RAP1GAP: variants seen among roughly 807,000 people sequenced by gnomAD.
The protein encoded by RAP1GAP is rap1 GTPase-activating protein 1.
In RAP1GAP, 35 loss-of-function variants were observed where a neutral mutation model predicts 87.2. That is an observed-to-expected ratio of 0.40 (90% CI 0.31 to 0.53). RAP1GAP has a LOEUF of 0.53. Ranked by LOEUF, RAP1GAP falls within the 20% of genes least tolerant of loss-of-function variation. The probability of loss-of-function intolerance (pLI) is 0.48; values close to 1 mark genes in which losing one functional copy is unlikely to be tolerated. For synonymous variants in RAP1GAP, 375 were observed against 363.9 expected (o/e 1.03, Z -0.35); for missense variants, 734 against 898.9 (o/e 0.82, Z 2.35).
chr1:21,647,044 A>G (rs2096121146), intron 2 of RAP1GAP, among the ~76,000 whole-genome samples: 1 of 152,216 alleles, frequency 6.6e-6, no homozygotes, highest in South Asian at 2.1e-4. Flanking sequence ...CAGCCTACTG[A>G]CAAGGTTTTA....
chr1:21,601,538 G>A lies in RAP1GAP; in HGVS notation c.1652+146C>T, dbSNP rs1262923074. 8 of 520,540 alleles carry A rather than the reference G, an allele frequency of 1.5e-5. No individual in the cohort carries two copies. In the East Asian group the frequency reaches 2.5e-4, roughly 16 times the overall value. 32.2% of individuals were successfully genotyped at this position (520,540 alleles called of 1,614,324 possible). A position where few individuals can be genotyped will look rare whatever the true frequency, so the allele number is the denominator to read the frequency against. On this transcript the variant is annotated intron_variant, in intron 20 of 24. Coordinates refer to ENST00000374765, the MANE Select transcript of RAP1GAP (RefSeq NM_002885.4). Reference sequence around the variant, plus strand: ...AAGTGCTCGCTGGGTATATGTCAAAGGAGGGCCCCAGAGAATGCCCAGGTC... The same window carrying A: ...AAGTGCTCGCTGGGTATATGTCAAAAGAGGGCCCCAGAGAATGCCCAGGTC...
At position 21,628,073 on chromosome 1, in the gene RAP1GAP, T is replaced by C. The variant is rs186667641; in HGVS notation, c.-112-1676A>G. Among the ~76,000 whole-genome samples the C allele has an allele frequency of 3.9e-5, 6 of 152,296 alleles. No homozygotes were observed. The East Asian group carries it at 9.6e-4, about 24-fold the overall frequency. On this transcript the variant is annotated intron_variant, in intron 2 of 24. Transcript: ENST00000374765. ...AAACTTTCACATCATTTGTTCATGG[T>C]AAACTCTGGCTCCCCAAGTTTCACT...
At chr1:21,661,266 A>AG (rs1491009986) in intron 1 of RAP1GAP, among the ~76,000 whole-genome samples, 1 of 151,522 alleles carries the variant, frequency 6.6e-6, no homozygotes, top group Non-Finnish European at 1.5e-5. Flanking sequence ...AAAAAAAAAA[A>AG]AGGAGGGAGA....
rs78143302 is a variant in RAP1GAP, at chr1:21,669,241, G to C, written c.-149+13C>G. ...CCCTTTCCAGGGCCGCAGCCCTGGC[G>C]GGGCGCACTCACCCAAGGGCCTGGG... On this transcript the variant is annotated intron_variant, in intron 1 of 24. Transcript: ENST00000374765. This position sits in a 1 kb window ranked among gnomAD's most constrained non-coding sequence, Gnocchi z 5.6. The C allele has an allele frequency of 1.6e-6, 2 of 1,250,998 alleles. No homozygotes were observed. Among genetic ancestry groups the C allele is most frequent in the East Asian group, 8.2e-5 (1 of 12,218 alleles). 77.5% of individuals were successfully genotyped at this position (1,250,998 alleles called of 1,614,324 possible).
At chr1:21,618,238 C>T (rs773722898) in intron 5 of RAP1GAP, among the ~76,000 whole-genome samples, 19 of 152,210 alleles carry the variant, frequency 1.2e-4, no homozygotes, top group Non-Finnish European at 2.1e-4. Context: ...GCACCCCACC[C>T]TAGAGCTTTG....
At chr1:21,652,122 C>T (rs1460754006) in intron 1 of RAP1GAP, among the ~76,000 whole-genome samples, 5 of 146,528 alleles carry the variant, frequency 3.4e-5, no homozygotes, top group Admixed American at 1.3e-4. Context: ...TCCCGGCCGC[C>T]GCCCCCCGTC....
chr1:21,646,924 A>T (rs2096107606), intron 2 of RAP1GAP, among the ~76,000 whole-genome samples: 1 of 152,142 alleles, frequency 6.6e-6, no homozygotes, highest in South Asian at 2.1e-4. Flanking sequence ...CTCAGCCATG[A>T]TCACATCTGG....
chr1:21,641,444 TA>T (rs2095515842), intron 2 of RAP1GAP, among the ~76,000 whole-genome samples: 1 of 152,180 alleles, frequency 6.6e-6, no homozygotes, highest in African/African-American at 2.4e-5. Flanking sequence ...CCCTCCCTGA[TA>T]CCCTTGGCAA....
chr1:21,610,140 G>A lies in RAP1GAP; in HGVS notation c.979C>T (p.Pro327Ser). Reference sequence around the variant, plus strand: ...CCCACCTTGTAGAGGGGGCCATCAGGGCCCCCGCCCTCAGCCTGCACCACG... The same window carrying A: ...CCCACCTTGTAGAGGGGGCCATCAGAGCCCCCGCCCTCAGCCTGCACCACG... Reference protein sequence around the residue: ...YVVVQAEGGGPDGPLYKVSVT... With the variant: ...YVVVQAEGGGSDGPLYKVSVT... Residue 327 changes from proline to serine, a missense_variant, in exon 14 of 25, where the codon CCT (proline) becomes TCT (serine). Physicochemically the swap from Pro to Ser is moderately conservative, Grantham distance 74. Around this residue, in one of 2 missense-constraint regions of RAP1GAP, gnomAD observed 485 missense variants for 646.2 expected, o/e 0.75. Coordinates refer to ENST00000374765, the MANE Select transcript of RAP1GAP (RefSeq NM_002885.4). 7 of 1,614,032 alleles carry A rather than the reference G, an allele frequency of 4.3e-6. No individual in the cohort carries two copies. The highest frequency in any genetic ancestry group is 2.2e-5 in the East Asian group (1 of 44,886).
intron 14 of RAP1GAP, 44 bp downstream of exon 14, chr1:21,610,076 C>T (rs1442258089): frequency 1.2e-6 from 2 of 1,603,016 alleles, no homozygotes; most frequent in Non-Finnish European, 1.7e-6. Flanking sequence ...GAGCTGCAGC[C>T]AGGGCCCTTG....
chr1:21,668,737 G>C lies in RAP1GAP; in HGVS notation c.-149+517C>G, dbSNP rs567673298. On this transcript the variant is annotated intron_variant, in intron 1 of 24. Transcript: ENST00000374765. The surrounding 1 kb of genome is among the most constrained non-coding windows in gnomAD (Gnocchi z 6.2). Reference sequence around the variant, plus strand: ...GGTCAGGGACAGGGGAATGCGTCCTGTCTCTGGGGATGCAAGGACATCACC... The same window carrying C: ...GGTCAGGGACAGGGGAATGCGTCCTCTCTCTGGGGATGCAAGGACATCACC... 1 of 152,392 alleles carries C rather than the reference G, an allele frequency of 6.6e-6. No individual in the cohort carries two copies. The highest frequency in any genetic ancestry group is 1.9e-4 in the East Asian group (1 of 5,144). 9.4% of individuals were successfully genotyped at this position (152,392 alleles called of 1,614,324 possible). A position where few individuals can be genotyped will look rare whatever the true frequency, so the allele number is the denominator to read the frequency against.
intron 2 of RAP1GAP, among the ~76,000 whole-genome samples, chr1:21,633,403 G>C (rs2094144963): frequency 6.6e-6 from 1 of 152,168 alleles, no homozygotes; most frequent in Non-Finnish European, 1.5e-5. Context: ...CTCTGCTGGG[G>C]GTGCCTTCTC....
At position 21,615,777 on chromosome 1, in the gene RAP1GAP, T is replaced by C. The variant is rs2081638452; in HGVS notation, c.291+1529A>G. 6.6e-6 allele frequency among the ~76,000 whole-genome samples: 1 copy of C among 152,154 alleles called. No homozygotes were observed. Among genetic ancestry groups the C allele is most frequent in the Non-Finnish European group, 1.5e-5 (1 of 68,030 alleles). ...CTTCATCTGTTCCTACCTTCATCTG[T>C]CACTTGTCACTCTTTCAACAAACTT... On this transcript the variant is annotated intron_variant, in intron 7 of 24. Transcript: ENST00000374765. The surrounding 1 kb of genome is among the most constrained non-coding windows in gnomAD (Gnocchi z 4.5).
chr1:21,657,632 C>T (rs1015402502), intron 1 of RAP1GAP, among the ~76,000 whole-genome samples: 3 of 152,192 alleles, frequency 2.0e-5, no homozygotes, highest in South Asian at 2.1e-4. Context: ...CTGCTATGGG[C>T]GTGGCCCTCC....
At chr1:21,636,510 G>A (rs2094687113) in intron 2 of RAP1GAP, among the ~76,000 whole-genome samples, 1 of 152,164 alleles carries the variant, frequency 6.6e-6, no homozygotes, top group South Asian at 2.1e-4. Flanking sequence ...AGCTGCCCAA[G>A]AGTAAAGCAA....
In RAP1GAP at chr1:21,615,077, C is replaced by T. The variant is rs1037669947; in HGVS notation, c.292-988G>A. Among the ~76,000 whole-genome samples, 4 of 152,204 alleles carry T rather than the reference C, an allele frequency of 2.6e-5. No homozygotes were observed. Among genetic ancestry groups the T allele is most frequent in the African/African-American group, 9.6e-5 (4 of 41,452 alleles). ...GTGGCAGAAACCCCCAAATGCTTGACATCATCCAGCAGAGAGGGAGTGGCA... is the reference window on the plus strand; with the variant it reads ...GTGGCAGAAACCCCCAAATGCTTGATATCATCCAGCAGAGAGGGAGTGGCA... On this transcript the variant is annotated intron_variant, in intron 7 of 24. Transcript: ENST00000374765. The surrounding 1 kb of genome is among the most constrained non-coding windows in gnomAD (Gnocchi z 4.5).
In RAP1GAP at chr1:21,609,610, C is replaced by T; in HGVS notation, c.1036G>A (p.Gly346Arg). 6.3e-7 allele frequency: 1 copy of T among 1,579,950 alleles called. No homozygotes were observed. The highest frequency in any genetic ancestry group is 8.6e-7 in the Non-Finnish European group (1 of 1,163,376). The change falls in exon 15 of 25, where the codon GGA becomes AGA. Residue 346 changes from glycine (G) to arginine (R), a missense_variant. This residue lies in a region of RAP1GAP where 485 missense variants were observed against 646.2 expected (regional missense o/e 0.75). Transcript: ENST00000374765. The surrounding 1 kb of genome is among the most constrained non-coding windows in gnomAD (Gnocchi z 4.4). The stretch of plus-strand genomic sequence containing the variant: ...ACAGCGGGGTCCGGGAGGGGGGGTC[C>T]AAAGAAGGGCACATCATCTCTTGCA... ...VTARDDVPFF[G>R]PPLPDPAVFR...
chr1:21,617,272 C>A, intron 7 of RAP1GAP, 34 bp downstream of exon 7: 2 of 1,550,338 alleles, frequency 1.3e-6, no homozygotes, highest in Non-Finnish European at 1.7e-6. Flanking sequence ...GTGACCCACC[C>A]CAGCCAGCCC....
intron 6 of RAP1GAP, 114 bp downstream of exon 6, chr1:21,617,820 C>A: frequency 6.9e-7 from 1 of 1,452,190 alleles, no homozygotes; most frequent in Non-Finnish European, 9.6e-7. Context: ...AGTCTCCAGC[C>A]CGCAGCAAGG....
Sources: gnomAD v4.1 joint callset for allele counts (sites outside exome capture counted in the v4.1 genomes callset) on GRCh38, gnomAD v4.1.1 for gene constraint, gnomAD v4.1.1 regional missense constraint, Gnocchi (gnomAD v3.1) non-coding constraint, MANE v1.5 for transcripts, NCBI Gene and HGNC (gene_info 2026-07-23, HGNC 2026-07-21) for gene names.